PTPN4: variants seen among roughly 807,000 people sequenced by gnomAD.
The protein encoded by PTPN4 is tyrosine-protein phosphatase non-receptor type 4.
Under a neutral mutation model 135.5 loss-of-function variants are expected in PTPN4, and 49 were observed. That is an observed-to-expected ratio of 0.36 (90% CI 0.29 to 0.46). The LOEUF is 0.46. Ranked by LOEUF, PTPN4 falls within the 20% of genes least tolerant of loss-of-function variation. The pLI is 1.00. For missense variants in PTPN4, 860 were observed against 1,101.0 expected (o/e 0.78, Z 3.10); for synonymous variants, 333 against 369.9 (o/e 0.90, Z 1.14).
chr2:119,803,856 T>C (rs553032761), intron 1 of PTPN4, among the ~76,000 whole-genome samples: 1 of 152,294 alleles, frequency 6.6e-6, no homozygotes, highest in South Asian at 2.1e-4. Context: ...TTAGGATTGG[T>C]AATGTCTCGG....
intron 26 of PTPN4, among the ~76,000 whole-genome samples, chr2:119,971,915 A>G (rs915085330): frequency 6.6e-6 from 1 of 152,180 alleles, no homozygotes; most frequent in Non-Finnish European, 1.5e-5. Flanking sequence ...TTCCCATTGA[A>G]TTGTCTCAGG....
At chr2:119,869,942 G>A (rs72836855) in intron 3 of PTPN4, among the ~76,000 whole-genome samples, 3,663 of 152,274 alleles carry the variant, frequency 0.024, 65 homozygotes, top group Non-Finnish European at 0.033. Flanking sequence ...AATGTAGTAC[G>A]GGTATCAAAG....
In PTPN4 at chr2:119,938,214, A is replaced by G. The variant is rs1171201383; in HGVS notation, c.1355+3256A>G. Among the ~76,000 whole-genome samples, 5 of 140,388 alleles carry G rather than the reference A, an allele frequency of 3.6e-5. 1 individual carries two copies. The highest frequency in any genetic ancestry group is 4.4e-4 in the South Asian group (2 of 4,534). The allele number at this position is 140,388 out of a possible 152,430, so 92.1% of individuals were successfully genotyped here. ...ACAATCTTGGCTCACTGCAAGCTCTACCTCCCGGGTTCACGCCATTCTCCT... is the reference window on the plus strand; with the variant it reads ...ACAATCTTGGCTCACTGCAAGCTCTGCCTCCCGGGTTCACGCCATTCTCCT... On this transcript the variant is annotated intron_variant, in intron 15 of 26. Coordinates refer to ENST00000263708, the MANE Select transcript of PTPN4 (RefSeq NM_002830.4).
chr2:119,814,766 C>T (rs1676962788), intron 2 of PTPN4, among the ~76,000 whole-genome samples: 1 of 152,080 alleles, frequency 6.6e-6, no homozygotes, highest in South Asian at 2.1e-4. Flanking sequence ...TCAACAGTGC[C>T]TACCTTGAAG....
intron 1 of PTPN4, among the ~76,000 whole-genome samples, chr2:119,761,543 CG>C (rs751194909): frequency 1.7e-4 from 26 of 152,128 alleles, no homozygotes; most frequent in Non-Finnish European, 3.1e-4. Context: ...TTCACTAGCT[CG>C]TAAGTGTGAT....
chr2:119,776,744 C>T (rs964661066), intron 1 of PTPN4, among the ~76,000 whole-genome samples: 1 of 152,104 alleles, frequency 6.6e-6, no homozygotes, highest in African/African-American at 2.4e-5. Flanking sequence ...CGTTAGGATT[C>T]TTAACATTTT....
chr2:119,954,605 G>C (rs1679255144), intron 19 of PTPN4, among the ~76,000 whole-genome samples: 1 of 152,186 alleles, frequency 6.6e-6, no homozygotes, highest in Non-Finnish European at 1.5e-5. Context: ...ATGGGACTGA[G>C]AGTGGGTAAC....
chr2:119,917,552 G>A (rs960889531), intron 11 of PTPN4, among the ~76,000 whole-genome samples: 3 of 152,088 alleles, frequency 2.0e-5, no homozygotes, highest in Admixed American at 6.5e-5. Context: ...TGGCCCACAT[G>A]GCAAAACCCC....
chr2:119,800,602 G>T (rs1691344971), intron 1 of PTPN4, among the ~76,000 whole-genome samples: 2 of 150,236 alleles, frequency 1.3e-5, no homozygotes, highest in Admixed American at 6.6e-5. Flanking sequence ...TTGTTTTTAT[G>T]AATCATGCTT....
intron 10 of PTPN4, among the ~76,000 whole-genome samples, chr2:119,913,739 C>T (rs1054622766): frequency 2.6e-5 from 4 of 151,994 alleles, no homozygotes; most frequent in Non-Finnish European, 4.4e-5. Flanking sequence ...TTATTAACTA[C>T]AGAAAGGAAT....
intron 2 of PTPN4, among the ~76,000 whole-genome samples, chr2:119,835,301 C>T (rs1362096696): frequency 6.6e-6 from 1 of 152,148 alleles, no homozygotes; most frequent in African/African-American, 2.4e-5. Context: ...TCTCCTGCCT[C>T]AGCCTCCTCA....
chr2:119,802,125 G>C (rs181717934), intron 1 of PTPN4, among the ~76,000 whole-genome samples: 1 of 151,980 alleles, frequency 6.6e-6, no homozygotes, highest in Non-Finnish European at 1.5e-5. Flanking sequence ...GGATGGTCTC[G>C]ATCTCTTGAC....
intron 3 of PTPN4, among the ~76,000 whole-genome samples, chr2:119,872,042 C>T (rs1056375994): frequency 4.6e-5 from 7 of 152,238 alleles, no homozygotes; most frequent in African/African-American, 9.6e-5. Flanking sequence ...AATATTCAGA[C>T]GAGGATTTAT....
chr2:119,837,188 T>C (rs1677307474), intron 2 of PTPN4, among the ~76,000 whole-genome samples: 1 of 152,156 alleles, frequency 6.6e-6, no homozygotes, highest in African/African-American at 2.4e-5. Context: ...TCCTCCCTTC[T>C]GAAGTCCCTA....
intron 18 of PTPN4, among the ~76,000 whole-genome samples, chr2:119,950,176 GC>G (rs947527023): frequency 1.1e-4 from 17 of 152,040 alleles, no homozygotes; most frequent in African/African-American, 3.6e-4. Context: ...GTCTGCTATA[GC>G]CCATTATTAC....
intron 2 of PTPN4, among the ~76,000 whole-genome samples, chr2:119,852,221 C>T (rs961366439): frequency 6.6e-6 from 1 of 152,176 alleles, no homozygotes; most frequent in Admixed American, 6.5e-5. Flanking sequence ...TTCTCCTTTT[C>T]TTGCAGATTG....
chr2:119,945,028 C>T lies in PTPN4; in HGVS notation c.1356-53C>T, dbSNP rs1679112175. ...ATTGTAAATATGTGGGTTGCTTGAC[C>T]CTAACTTTTAAAAAAGTTATGAAAC... On this transcript the variant is annotated intron_variant, in intron 15 of 26. Coordinates refer to ENST00000263708, the MANE Select transcript of PTPN4 (RefSeq NM_002830.4). 4 of 1,519,770 alleles carry T rather than the reference C, an allele frequency of 2.6e-6. No individual in the cohort carries two copies. The African/African-American group carries it at 4.3e-5, about 16-fold the overall frequency. The allele number at this position is 1,519,770 out of a possible 1,614,324, so 94.1% of individuals were successfully genotyped here. A position where few individuals can be genotyped will look rare whatever the true frequency, so the allele number is the denominator to read the frequency against.
At chr2:119,930,683 G>A (rs1678891513) in intron 13 of PTPN4, among the ~76,000 whole-genome samples, 1 of 152,064 alleles carries the variant, frequency 6.6e-6, no homozygotes, top group Middle Eastern at 3.4e-3. Context: ...CTTTTTACAC[G>A]TTTAACATAT....
intron 1 of PTPN4, among the ~76,000 whole-genome samples, chr2:119,792,628 G>C (rs1219631557): frequency 2.6e-5 from 4 of 152,184 alleles, no homozygotes; most frequent in African/African-American, 9.7e-5. Context: ...ATTTTGCCAA[G>C]TTAAACTAAT....
Sources: allele counts gnomAD v4.1 joint callset (sites outside exome capture counted in the v4.1 genomes callset), GRCh38; gene constraint gnomAD v4.1.1; transcripts MANE v1.5; gene names NCBI Gene and HGNC (gene_info 2026-07-23, HGNC 2026-07-21).